Variants in NAALADL2 observed in about 807,000 individuals in gnomAD.
NAALADL2 encodes N-acetylated alpha-linked acidic dipeptidase like 2, also known as inactive N-acetylated-alpha-linked acidic dipeptidase-like protein 2.
In NAALADL2, 76 loss-of-function variants were observed where a neutral mutation model predicts 87.2. The observed-to-expected ratio is 0.87, with a 90% CI of 0.72 to 1.05. NAALADL2 has a LOEUF of 1.05. NAALADL2 is among the 50% of genes least tolerant of loss of function. The pLI, the probability that NAALADL2 is intolerant of heterozygous loss-of-function variation, is 0.00. For missense variants in NAALADL2, 1,089 were observed against 945.8 expected (o/e 1.15, Z -1.99); for synonymous variants, 354 against 331.0 (o/e 1.07, Z -0.75).
At chr3:175,324,032 AAAAAAAAAAAAG>A (rs1560360719) in intron 4 of NAALADL2, 131 bp from the exon 5 acceptor site, 8 of 594,780 alleles carry the variant, frequency 1.3e-5, no homozygotes, top group Non-Finnish European at 2.1e-5. Flanking sequence ...AACAAACAAA[AAAAAAAAAAAAG>A]AAAAAGAAAA....
intron 1 of NAALADL2, among the ~76,000 whole-genome samples, chr3:174,968,721 G>A (rs927168308): frequency 4.6e-5 from 7 of 151,938 alleles, no homozygotes; most frequent in African/African-American, 9.7e-5. Context: ...CTCGTGATCC[G>A]CCGCCTCGGC....
chr3:174,497,198 T>C (rs1445148197), intron 1 of NAALADL2, among the ~76,000 whole-genome samples: 2 of 152,134 alleles, frequency 1.3e-5, no homozygotes, highest in Non-Finnish European at 2.9e-5. Context: ...TTCTTATATA[T>C]TCACCTTCAT....
At chr3:174,591,551 A>T (rs183728301) in intron 2 of NAALADL2, among the ~76,000 whole-genome samples, 1 of 152,282 alleles carries the variant, frequency 6.6e-6, no homozygotes, top group East Asian at 1.9e-4. Context: ...CATCTTTCTT[A>T]TAAGGGAAGC....
intron 2 of NAALADL2, among the ~76,000 whole-genome samples, chr3:175,123,456 T>A (rs561846550): frequency 3.3e-5 from 5 of 151,944 alleles, no homozygotes; most frequent in Non-Finnish European, 7.4e-5. Flanking sequence ...CTAATAAAAA[T>A]TTGACATTGT....
intron 1 of NAALADL2, among the ~76,000 whole-genome samples, chr3:174,528,304 G>A (rs898447051): frequency 3.3e-5 from 5 of 152,066 alleles, no homozygotes; most frequent in African/African-American, 1.2e-4. Context: ...TAGCATTATA[G>A]GAGTATCCTT....
chr3:175,635,797 C>T (rs1301047962), intron 11 of NAALADL2, among the ~76,000 whole-genome samples: 1 of 152,078 alleles, frequency 6.6e-6, no homozygotes, highest in Non-Finnish European at 1.5e-5. Context: ...TCTCAAGGTG[C>T]TGTAGAAGTA....
At chr3:175,644,406 T>G (rs1729711505) in intron 11 of NAALADL2, among the ~76,000 whole-genome samples, 1 of 152,140 alleles carries the variant, frequency 6.6e-6, no homozygotes, top group South Asian at 2.1e-4. Context: ...TCACACTTAT[T>G]TAATCTACCA....
chr3:175,423,049 ATATTTT>A (rs376108048), intron 5 of NAALADL2, among the ~76,000 whole-genome samples: 38 of 112,496 alleles, frequency 3.4e-4, no homozygotes, highest in East Asian at 1.5e-3. Context: ...ATATATATAT[ATATTTT>A]TTTTTTTTCC....
intron 2 of NAALADL2, among the ~76,000 whole-genome samples, chr3:174,601,045 G>A (rs78510581): frequency 0.021 from 3,242 of 152,162 alleles, 50 homozygotes; most frequent in Non-Finnish European, 0.036. Flanking sequence ...ACATCACTTC[G>A]AGGATCTATT....
intron 9 of NAALADL2, among the ~76,000 whole-genome samples, chr3:175,501,081 A>G (rs971966941): frequency 6.6e-6 from 1 of 152,102 alleles, no homozygotes; most frequent in African/African-American, 2.4e-5. Flanking sequence ...CTGTGATAAT[A>G]CATAGAAGAG....
intron 10 of NAALADL2, among the ~76,000 whole-genome samples, chr3:175,593,228 A>C (rs183984945): frequency 6.6e-6 from 1 of 152,218 alleles, no homozygotes; most frequent in East Asian, 1.9e-4. Flanking sequence ...TTCTCATTGA[A>C]CAATTCTTAA....
chr3:174,509,904 T>A (rs1719486559), intron 1 of NAALADL2, among the ~76,000 whole-genome samples: 1 of 152,138 alleles, frequency 6.6e-6, no homozygotes, highest in Non-Finnish European at 1.5e-5. Flanking sequence ...AGATGCCATG[T>A]ATAAGATTGA....
At chr3:175,028,408 T>C (rs1580100121) in intron 1 of NAALADL2, among the ~76,000 whole-genome samples, 1 of 152,122 alleles carries the variant, frequency 6.6e-6, no homozygotes, top group Non-Finnish European at 1.5e-5. Context: ...GGAATCAAAA[T>C]AAGGATTAAG....
intron 11 of NAALADL2, among the ~76,000 whole-genome samples, chr3:175,632,876 T>C (rs1341508123): frequency 6.6e-6 from 1 of 152,024 alleles, no homozygotes; most frequent in African/African-American, 2.4e-5. Context: ...CACATGTGGA[T>C]TGAAAAATAA....
chr3:175,713,434 T>C (rs1310347456), intron 11 of NAALADL2, among the ~76,000 whole-genome samples: 1 of 152,156 alleles, frequency 6.6e-6, no homozygotes, highest in Non-Finnish European at 1.5e-5. Flanking sequence ...TCTAACTTCA[T>C]TAATTCTTCA....
intron 1 of NAALADL2, among the ~76,000 whole-genome samples, chr3:174,992,599 T>A (rs1229458827): frequency 6.6e-6 from 1 of 152,134 alleles, no homozygotes; most frequent in African/African-American, 2.4e-5. Context: ...TTTAATTTCT[T>A]TCAGATTATT....
At chr3:175,009,855 C>T (rs74891546) in intron 1 of NAALADL2, among the ~76,000 whole-genome samples, 3,802 of 151,774 alleles carry the variant, frequency 0.025, 140 homozygotes, top group East Asian at 0.18. Context: ...ACATTTATGC[C>T]GAGTTTACTT....
chr3:174,843,872 T>A (rs181971697), intron 3 of NAALADL2, among the ~76,000 whole-genome samples: 175 of 152,200 alleles, frequency 1.1e-3, no homozygotes, highest in Admixed American at 2.8e-3. Flanking sequence ...TAAAAAAAAA[T>A]TGGGTTATTT....
At chr3:175,656,365 C>T (rs2149800197) in intron 11 of NAALADL2, among the ~76,000 whole-genome samples, 1 of 152,252 alleles carries the variant, frequency 6.6e-6, no homozygotes, top group Non-Finnish European at 1.5e-5. Context: ...GAGAACTTTT[C>T]TTTGGTAAGT....
Sources: allele counts gnomAD v4.1 joint callset (sites outside exome capture counted in the v4.1 genomes callset), GRCh38; gene constraint gnomAD v4.1.1; transcripts MANE v1.5; gene names NCBI Gene and HGNC (gene_info 2026-07-23, HGNC 2026-07-21).